NFE2L3: variants seen among roughly 807,000 people sequenced by gnomAD.
NFE2L3 encodes NFE2 like bZIP transcription factor 3.
NFE2L3 carries 18 observed loss-of-function variants against 23.5 expected under a neutral mutation model. That is an observed-to-expected ratio of 0.77 (90% CI 0.53 to 1.13). The LOEUF (loss-of-function observed/expected upper bound fraction) is 1.13. Among genes scored for constraint, NFE2L3 ranks in the 50% most tolerant of loss-of-function variants. The pLI, the probability that NFE2L3 is intolerant of heterozygous loss-of-function variation, is 0.00. For synonymous variants in NFE2L3, 424 were observed against 354.5 expected (o/e 1.20, Z -2.20); for missense variants, 1,152 against 877.2 (o/e 1.31, Z -3.96).
rs1194501059 is a variant in NFE2L3, at chr7:26,185,534, C to T, written c.1836C>T (p.Asn612=). The T allele has an allele frequency of 3.1e-6, 5 of 1,613,898 alleles. No individual in the cohort carries two copies. The highest frequency in any genetic ancestry group is 1.7e-5 in the Admixed American group (1 of 60,000). ...TGAATTTAGAAGATGATGTATGTAA[C>T]TTGCAAGCAAAGAAGGAAACTCTTA... ...IILNLEDDVC[N]LQAKKETLKR... The change falls in exon 4 of 4, where the codon AAC becomes AAT. Residue 612 remains asparagine (N), a synonymous_variant. Transcript: ENST00000056233.
chr7:26,183,210 G>A (rs1782369841), intron 2 of NFE2L3, among the ~76,000 whole-genome samples: 2 of 152,100 alleles, frequency 1.3e-5, no homozygotes, highest in South Asian at 4.1e-4. Flanking sequence ...ATACTGATTA[G>A]CTTTGGACTT....
intron 1 of NFE2L3, among the ~76,000 whole-genome samples, chr7:26,160,032 C>A (rs1045967021): frequency 6.8e-6 from 1 of 147,946 alleles, no homozygotes; most frequent in Admixed American, 6.9e-5. Context: ...TATCTTACTG[C>A]AGCCTCAACC....
chr7:26,185,217 C>A lies in NFE2L3; in HGVS notation c.1519C>A (p.Pro507Thr), dbSNP rs374218819. 10 of 1,613,822 alleles carry A rather than the reference C, an allele frequency of 6.2e-6. No homozygotes were observed. Among genetic ancestry groups the A allele is most frequent in the Non-Finnish European group, 5.9e-6 (7 of 1,179,916 alleles). The change falls in exon 4 of 4, where the codon CCA becomes ACA. Residue 507 changes from proline (P) to threonine (T), a missense_variant. Pro to Thr is a conservative substitution (Grantham distance 38, BLOSUM62 -1). Transcript: ENST00000056233. ...NHTYHLQPTA[P>T]ESTSEPFPWP... is the part of the protein sequence containing the mutation. The stretch of plus-strand genomic sequence containing the variant: ...CACTTACCACTTACAGCCAACTGCA[C>A]CAGAATCTACTTCTGAACCTTTTCC...
At chr7:26,154,846 T>C (rs1784057121) in intron 1 of NFE2L3, among the ~76,000 whole-genome samples, 1 of 152,236 alleles carries the variant, frequency 6.6e-6, no homozygotes, top group South Asian at 2.1e-4. Flanking sequence ...TGGCCTAGAC[T>C]GGCAGGCCTG....
chr7:26,169,401 G>T (rs977431105), intron 1 of NFE2L3, among the ~76,000 whole-genome samples: 11 of 152,210 alleles, frequency 7.2e-5, no homozygotes, highest in Admixed American at 2.0e-4. Context: ...CATCAGACTT[G>T]TCCCACATTG....
Position 26,167,058 on chromosome 7 carries a change from T to C in NFE2L3, c.571-10885T>C, listed in dbSNP as rs144473466. 1.6e-4 allele frequency among the ~76,000 whole-genome samples: 24 copies of C among 152,314 alleles called. No homozygotes were observed. In the East Asian group the frequency reaches 4.4e-3, roughly 28 times the overall value. On this transcript the variant is annotated intron_variant, in intron 1 of 3. Coordinates refer to ENST00000056233, the MANE Select transcript of NFE2L3 (RefSeq NM_004289.7). ...GGCACACTTGCCAGTTGACAGGGGC[T>C]TCAGAGACTTTGCAAGGAGAAAAGA...
chr7:26,182,039 T>A (rs1374292917), intron 2 of NFE2L3, among the ~76,000 whole-genome samples: 1 of 152,064 alleles, frequency 6.6e-6, no homozygotes, highest in Admixed American at 6.5e-5. Context: ...AGATAAGCAA[T>A]ATTTAAAATG....
chr7:26,161,126 G>A (rs888610184), intron 1 of NFE2L3, among the ~76,000 whole-genome samples: 1 of 152,114 alleles, frequency 6.6e-6, no homozygotes, highest in Non-Finnish European at 1.5e-5. Context: ...CCAAGGGGGA[G>A]GTCATACTGG....
intron 1 of NFE2L3, among the ~76,000 whole-genome samples, chr7:26,165,654 G>T (rs1482720905): frequency 1.3e-5 from 2 of 152,052 alleles, no homozygotes; most frequent in Admixed American, 1.3e-4. Context: ...TCTCCTGCCT[G>T]ATTGCCCTGG....
chr7:26,163,974 A>G (rs1226193464), intron 1 of NFE2L3, among the ~76,000 whole-genome samples: 1 of 152,218 alleles, frequency 6.6e-6, no homozygotes, highest in Non-Finnish European at 1.5e-5. Flanking sequence ...TGTCCCTGCA[A>G]AGGACACAAA....
chr7:26,183,863 T>C (rs1202626135), intron 3 of NFE2L3, 79 bp downstream of exon 3: 2 of 929,440 alleles, frequency 2.2e-6, no homozygotes, highest in Non-Finnish European at 3.6e-6. Flanking sequence ...ACTCCTTTAC[T>C]TGGATGACAC....
rs1221412817 is a variant in NFE2L3, at chr7:26,185,641, G to C, written c.1943G>C (p.Arg648Thr). ...GACCTTTATCATGATATTTTTAGTA[G>C]ATTAAGAGATGACCAAGGTAGGCCA... ...LHDLYHDIFS[R>T]LRDDQGRPVN... Residue 648 changes from arginine (R) to threonine (T), a missense_variant, in exon 4 of 4, where the codon AGA becomes ACA. Arg to Thr is a moderately conservative substitution (Grantham distance 71). Coordinates refer to ENST00000056233, the MANE Select transcript of NFE2L3 (RefSeq NM_004289.7). The C allele has an allele frequency of 5.0e-6, 8 of 1,613,910 alleles. 1 individual carries two copies. Among genetic ancestry groups the C allele is most frequent in the Admixed American group, 1.7e-5 (1 of 60,014 alleles).
chr7:26,183,880 TTAAAG>T (rs1347139827), intron 3 of NFE2L3, 96 bp downstream of exon 3: 6 of 795,978 alleles, frequency 7.5e-6, no homozygotes, highest in Admixed American at 2.0e-5. Flanking sequence ...ACACAGCAGT[TTAAAG>T]TAATGCTTAT....
At chr7:26,161,252 T>G (rs761810755) in intron 1 of NFE2L3, among the ~76,000 whole-genome samples, 1 of 151,906 alleles carries the variant, frequency 6.6e-6, no homozygotes, top group Non-Finnish European at 1.5e-5. Context: ...CTTGGACTTG[T>G]TGAGGAGGCA....
At chr7:26,183,907 C>T (rs1310606358) in intron 3 of NFE2L3, 123 bp downstream of exon 3, 4 of 674,796 alleles carry the variant, frequency 5.9e-6, no homozygotes, top group East Asian at 2.6e-5. Context: ...TTTACAGAAG[C>T]ACTTCAGCTT....
At chr7:26,156,320 C>T (rs1198616830) in intron 1 of NFE2L3, among the ~76,000 whole-genome samples, 1 of 152,136 alleles carries the variant, frequency 6.6e-6, no homozygotes, top group East Asian at 1.9e-4. Context: ...TGCTTTGTCC[C>T]ATAGGAACAT....
At chr7:26,157,168 A>C (rs1018218463) in intron 1 of NFE2L3, among the ~76,000 whole-genome samples, 1 of 152,096 alleles carries the variant, frequency 6.6e-6, no homozygotes. Context: ...CACAGAGAGA[A>C]TCTGATCCAG....
chr7:26,152,531 C>T lies in NFE2L3; in HGVS notation c.33C>T (p.Gly11=). Residue 11 remains glycine (G), a synonymous_variant, in exon 1 of 4, where the codon GGC becomes GGT. Coordinates refer to ENST00000056233, the MANE Select transcript of NFE2L3 (RefSeq NM_004289.7). The surrounding 1 kb of genome is among the most constrained non-coding windows in gnomAD (Gnocchi z 4.4). MKHLKRWWSA[G]GGLLHLTLLL... ...ACCTGAAGCGGTGGTGGTCGGCCGG[C>T]GGCGGCCTCCTGCACCTCACCCTCC... The T allele has an allele frequency of 1.4e-6, 2 of 1,425,188 alleles. No individual in the cohort carries two copies. The highest frequency in any genetic ancestry group is 1.8e-6 in the Non-Finnish European group (2 of 1,088,992). The allele number at this position is 1,425,188 out of a possible 1,614,324, so 88.3% of individuals were successfully genotyped here. A position where few individuals can be genotyped will look rare whatever the true frequency, so the allele number is the denominator to read the frequency against.
In NFE2L3 at chr7:26,152,792, C is replaced by T. The variant is rs910686021; in HGVS notation, c.294C>T (p.Leu98=). ...AGCTGCTCCGGGAGGTGCGCGCGCT[C>T]GGGGTCCCCTTCGTCCCTCGCACCA... ...EGQLLREVRA[L]GVPFVPRTSV... Residue 98 remains leucine (L), a synonymous_variant, in exon 1 of 4, where the codon CTC becomes CTT. Coordinates refer to ENST00000056233, the MANE Select transcript of NFE2L3 (RefSeq NM_004289.7). The surrounding 1 kb of genome is among the most constrained non-coding windows in gnomAD (Gnocchi z 4.4). 24 of 1,485,820 alleles carry T rather than the reference C, an allele frequency of 1.6e-5. No individual in the cohort carries two copies. In the African/African-American group the frequency reaches 2.0e-4, roughly 13 times the overall value. The allele number at this position is 1,485,820 out of a possible 1,614,324, so 92.0% of individuals were successfully genotyped here. A position where few individuals can be genotyped will look rare whatever the true frequency, so the allele number is the denominator to read the frequency against.
Sources: gnomAD v4.1 joint callset for allele counts (sites outside exome capture counted in the v4.1 genomes callset) on GRCh38, gnomAD v4.1.1 for gene constraint, Gnocchi (gnomAD v3.1) non-coding constraint, MANE v1.5 for transcripts, NCBI Gene and HGNC (gene_info 2026-07-23, HGNC 2026-07-21) for gene names.